The following TIAM2 variants were observed in gnomAD, a reference collection of about 807,000 sequenced individuals.
TIAM2 encodes the protein TIAM Rac1 associated GEF 2.
A neutral mutation model predicts 152.9 loss-of-function variants in TIAM2; 80 were observed. That is an observed-to-expected ratio of 0.52 (90% CI 0.44 to 0.63). The LOEUF (loss-of-function observed/expected upper bound fraction) is 0.63, where lower values mean the gene tolerates loss of function less well. Among genes scored for constraint, TIAM2 ranks in the 30% least tolerant of loss-of-function variants. The pLI is 0.00. For missense variants in TIAM2, 1,965 were observed against 2,120.1 expected (o/e 0.93, Z 1.44); for synonymous variants, 804 against 838.0 (o/e 0.96, Z 0.70).
intron 2 of TIAM2, among the ~76,000 whole-genome samples, chr6:155,125,654 C>T (rs1048257573): frequency 1.3e-5 from 2 of 152,146 alleles, no homozygotes; most frequent in Non-Finnish European, 2.9e-5. Context: ...GCCTGGCCAA[C>T]ACGGTGAAGC....
Position 155,217,131 on chromosome 6 carries a change from T to G in TIAM2, c.3168+5824T>G. 2.3e-6 allele frequency: 3 copies of G among 1,288,722 alleles called. No individual in the cohort carries two copies. The African/African-American group carries it at 4.6e-5, about 20-fold the overall frequency. The allele number at this position is 1,288,722 out of a possible 1,614,324, so 79.8% of individuals were successfully genotyped here. On this transcript the variant is annotated intron_variant, in intron 15 of 26. Coordinates refer to ENST00000682666, the MANE Select transcript of TIAM2 (RefSeq NM_012454.4). ...CTTTGATTTTCATGGGTAAAGATTT[T>G]GATCCAAATGTAGGCATGCTTGCAC...
intron 15 of TIAM2, among the ~76,000 whole-genome samples, chr6:155,234,591 G>A (rs1024632008): frequency 5.4e-4 from 82 of 152,204 alleles, no homozygotes; most frequent in African/African-American, 1.9e-3. Context: ...CTTTTGTAGC[G>A]ATGGGTTTCC....
chr6:155,133,367 A>G (rs1779489150), intron 4 of TIAM2, among the ~76,000 whole-genome samples: 1 of 152,224 alleles, frequency 6.6e-6, no homozygotes, highest in East Asian at 1.9e-4. Flanking sequence ...ACAACAACAA[A>G]ACAGCAACAA....
At chr6:155,057,541 C>CTTTTTTTTTTTTTTTT (rs71023613) in intron 1 of TIAM2, among the ~76,000 whole-genome samples, 3 of 80,070 alleles carry the variant, frequency 3.7e-5, no homozygotes, top group Non-Finnish European at 4.5e-5. Flanking sequence ...CCATAATGTA[C>CTTTTTTTTTTTTTTTT]TTTTTTTTTT....
In TIAM2 at chr6:155,256,566, C is replaced by T. The variant is rs967392513; in HGVS notation, c.4551C>T (p.Asp1517=). ...AGACTGGCAAGGGAACCTTGCTGGA[C>T]TCTGACGAGGGCAGCTTGAGCAGCG... The part of the protein sequence containing the change: ...TGETGKGTLL[D]SDEGSLSSGT... Residue 1517 remains aspartate (D), a synonymous_variant, in exon 27 of 27, where the codon GAC becomes GAT. Coordinates refer to ENST00000682666, the MANE Select transcript of TIAM2 (RefSeq NM_012454.4). The T allele has an allele frequency of 6.2e-7, 1 of 1,614,232 alleles. No homozygotes were observed. Among genetic ancestry groups the T allele is most frequent in the African/African-American group, 1.3e-5 (1 of 75,058 alleles).
At chr6:155,191,318 G>C (rs1781199234) in intron 14 of TIAM2, among the ~76,000 whole-genome samples, 1 of 152,194 alleles carries the variant, frequency 6.6e-6, no homozygotes, top group Admixed American at 6.5e-5. Flanking sequence ...TTTTGTAGGA[G>C]CAACGGACTA....
intron 7 of TIAM2, 101 bp downstream of exon 7, chr6:155,148,435 T>C: frequency 2.5e-6 from 3 of 1,193,306 alleles, no homozygotes; most frequent in Admixed American, 4.3e-5. Flanking sequence ...GGCTCACATC[T>C]TGGTGGTATT....
chr6:155,219,235 T>A (rs898054124), intron 15 of TIAM2, among the ~76,000 whole-genome samples: 85 of 152,312 alleles, frequency 5.6e-4, no homozygotes, highest in South Asian at 4.2e-4. Context: ...TGCTTTTTTT[T>A]AATGTATAGT....
chr6:155,116,513 T>C (rs1779016478), intron 2 of TIAM2, among the ~76,000 whole-genome samples: 1 of 152,250 alleles, frequency 6.6e-6, no homozygotes, highest in Admixed American at 6.5e-5. Context: ...GTTCATTTTT[T>C]AACTTAAATG....
intron 9 of TIAM2, among the ~76,000 whole-genome samples, chr6:155,170,037 T>G (rs1780544888): frequency 6.6e-6 from 1 of 152,114 alleles, no homozygotes; most frequent in Non-Finnish European, 1.5e-5. Context: ...CAGGCTGGTC[T>G]TGAACTCCTG....
chr6:155,053,434 C>T (rs944362164), intron 1 of TIAM2, among the ~76,000 whole-genome samples: 11 of 145,446 alleles, frequency 7.6e-5, no homozygotes, highest in East Asian at 4.1e-4. Context: ...GGATTATAGG[C>T]GTGAGCCACC....
At chr6:155,134,161 G>GTATA (rs762205150) in intron 4 of TIAM2, among the ~76,000 whole-genome samples, 1 of 151,742 alleles carries the variant, frequency 6.6e-6, no homozygotes, top group African/African-American at 2.4e-5. Context: ...GTGTGTGTGT[G>GTATA]TATATATATA....
chr6:155,166,482 CCTG>C (rs1562338983), intron 9 of TIAM2, among the ~76,000 whole-genome samples: 2 of 152,068 alleles, frequency 1.3e-5, no homozygotes, highest in African/African-American at 4.8e-5. Context: ...CACCACCATG[CCTG>C]GCTAATTTGT....
intron 6 of TIAM2, 29 bp downstream of exon 6, chr6:155,144,807 A>G (rs1444256237): frequency 6.3e-7 from 1 of 1,587,662 alleles, no homozygotes; most frequent in Non-Finnish European, 8.5e-7. Context: ...AAGTGGAGGT[A>G]ATAGCTTATG....
chr6:155,073,231 C>G (rs545553937), intron 1 of TIAM2, among the ~76,000 whole-genome samples: 1 of 145,542 alleles, frequency 6.9e-6, no homozygotes, highest in East Asian at 2.0e-4. Flanking sequence ...GGCACAATCT[C>G]GGCTCACTGC....
At chr6:155,039,931 G>T (rs1349541970) in intron 1 of TIAM2, among the ~76,000 whole-genome samples, 2 of 152,216 alleles carry the variant, frequency 1.3e-5, no homozygotes, top group Non-Finnish European at 2.9e-5. Context: ...GGTTTATGCA[G>T]TTGAAACTCA....
In TIAM2 at chr6:155,002,851, T is replaced by TTG. The variant is rs530852578; in HGVS notation, c.-209+7371_-209+7372dup. On this transcript the variant is annotated intron_variant, in intron 1 of 26. Transcript: ENST00000682666. ...ACCCACCACCACATCCAGCTAAGTT[T>TTG]TGTGTGTGTGTGTTTTTTTTTTAGT... 1.5e-3 allele frequency among the ~76,000 whole-genome samples: 218 copies of TTG among 140,656 alleles called. No homozygotes were observed. The South Asian group carries it at 0.024, about 15-fold the overall frequency. The allele number at this position is 140,656 out of a possible 152,430, so 92.3% of individuals were successfully genotyped here.
At chr6:155,104,054 ACCCC>A (rs67334202) in intron 2 of TIAM2, among the ~76,000 whole-genome samples, 14,250 of 49,570 alleles carry the variant, frequency 0.29, 2,488 homozygotes, top group Admixed American at 0.4. Flanking sequence ...CCCCCCCCAC[ACCCC>A]CACACACCCC....
In TIAM2 at chr6:155,193,820, G is replaced by A. The variant is rs754032873; in HGVS notation, c.3064+10320G>A. ...ATGTAAGAGTGTGGCAATGAAGAGC[G>A]CAATGGTGCTGAGCACAGTTTGGTG... On this transcript the variant is annotated intron_variant, in intron 14 of 26. Coordinates refer to ENST00000682666, the MANE Select transcript of TIAM2 (RefSeq NM_012454.4). 6.6e-5 allele frequency among the ~76,000 whole-genome samples: 10 copies of A among 152,244 alleles called. 1 individual carries two copies. Among genetic ancestry groups the A allele is most frequent in the South Asian group, 2.1e-4 (1 of 4,838 alleles).
Sources: gnomAD v4.1 joint callset for allele counts (sites outside exome capture counted in the v4.1 genomes callset) on GRCh38, gnomAD v4.1.1 for gene constraint, MANE v1.5 for transcripts, NCBI Gene and HGNC (gene_info 2026-07-23, HGNC 2026-07-21) for gene names.